The following XYLT1 variants were observed in gnomAD, a reference collection of about 807,000 sequenced individuals.
XYLT1 encodes xylosyltransferase 1.
Under a neutral mutation model 91.3 loss-of-function variants are expected in XYLT1, and 36 were observed. The ratio of observed to expected loss-of-function variants is 0.39; its 90% CI spans 0.30 to 0.52. The LOEUF is 0.52. Ranked by LOEUF, XYLT1 falls within the 20% of genes least tolerant of loss-of-function variation. The probability of loss-of-function intolerance (pLI) is 0.68; values close to 1 mark genes in which losing one functional copy is unlikely to be tolerated. For missense variants in XYLT1, 1,242 were observed against 1,284.5 expected (o/e 0.97, Z 0.51); for synonymous variants, 588 against 532.0 (o/e 1.11, Z -1.45).
At chr16:17,285,874 CTGTGTGTG>C (rs56267931) in intron 2 of XYLT1, among the ~76,000 whole-genome samples, 15,068 of 145,128 alleles carry the variant, frequency 0.1, 852 homozygotes, top group South Asian at 0.17. Context: ...TGGTGTATCT[CTGTGTGTG>C]TGTGTGTGTG....
At chr16:17,141,048 T>C in intron 7 of XYLT1, 105 bp downstream of exon 7, 2 of 1,109,290 alleles carry the variant, frequency 1.8e-6, no homozygotes, top group Non-Finnish European at 2.7e-6. Flanking sequence ...TAGAGGACAA[T>C]GTAGGTGGAC....
intron 1 of XYLT1, among the ~76,000 whole-genome samples, chr16:17,400,623 G>A (rs1346128835): frequency 3.1e-5 from 4 of 130,438 alleles, no homozygotes; most frequent in East Asian, 2.0e-4. Context: ...GAGGGAGGGA[G>A]GAAGGGAGGA....
At chr16:17,138,047 T>TGAAGAGTA (rs59876842) in intron 8 of XYLT1, among the ~76,000 whole-genome samples, 4 of 151,878 alleles carry the variant, frequency 2.6e-5, no homozygotes, top group African/African-American at 7.3e-5. Context: ...GAAGATGATA[T>TGAAGAGTA]GAGTATGGCC....
chr16:17,283,553 C>T (rs1012768518), intron 2 of XYLT1, among the ~76,000 whole-genome samples: 3 of 152,188 alleles, frequency 2.0e-5, no homozygotes, highest in Admixed American at 1.3e-4. Context: ...TGAAATCCTG[C>T]CTCAGCGTCC....
intron 1 of XYLT1, among the ~76,000 whole-genome samples, chr16:17,435,759 G>A (rs2036449897): frequency 6.6e-6 from 1 of 152,144 alleles, no homozygotes; most frequent in South Asian, 2.1e-4. Context: ...AATCCTCCAA[G>A]GATTCTCTCA....
intron 2 of XYLT1, among the ~76,000 whole-genome samples, chr16:17,277,554 TA>T (rs1408079691): frequency 1.3e-5 from 2 of 152,114 alleles, no homozygotes; most frequent in African/African-American, 2.4e-5. Context: ...CACACCCAGC[TA>T]ATTTTTGTAT....
intron 3 of XYLT1, among the ~76,000 whole-genome samples, chr16:17,237,854 G>C (rs2033272870): frequency 6.6e-6 from 1 of 151,254 alleles, no homozygotes; most frequent in Non-Finnish European, 1.5e-5. Context: ...TAGCAGGCTG[G>C]TAAGTGTCTG....
chr16:17,265,187 AAAAC>A (rs1431960775), intron 2 of XYLT1, among the ~76,000 whole-genome samples: 9 of 152,126 alleles, frequency 5.9e-5, no homozygotes, highest in East Asian at 5.8e-4. Flanking sequence ...ACTCTGTCTC[AAAAC>A]AAACAAACAA....
chr16:17,108,782 C>G lies in XYLT1; in HGVS notation c.2793G>C (p.Gln931His), dbSNP rs1267537935. The change falls in exon 12 of 12, where the codon CAG (glutamine) becomes CAC (histidine). Residue 931 changes from glutamine (Q) to histidine (H), a missense_variant. Physicochemically the swap from Gln to His is conservative, Grantham distance 24 (BLOSUM62 0). This residue lies in a region of XYLT1 where 511 missense variants were observed against 497.0 expected (regional missense o/e 1.03). Coordinates refer to ENST00000261381, the MANE Select transcript of XYLT1 (RefSeq NM_022166.4). The part of the protein sequence containing the change: ...ATGPTACPVM[Q>H]TCSQTAWSSF... Reference sequence around the variant, plus strand: ...AGCTCCAGGCCGTCTGGCTGCAGGTCTGCATGACCGGGCAGGCTGTGGGGC... The same window carrying G: ...AGCTCCAGGCCGTCTGGCTGCAGGTGTGCATGACCGGGCAGGCTGTGGGGC... The G allele has an allele frequency of 2.5e-6, 4 of 1,610,854 alleles. No individual in the cohort carries two copies. In the East Asian group the frequency reaches 6.7e-5, roughly 27 times the overall value.
At chr16:17,271,487 G>A (rs182270008) in intron 2 of XYLT1, among the ~76,000 whole-genome samples, 1 of 152,172 alleles carries the variant, frequency 6.6e-6, no homozygotes, top group African/African-American at 2.4e-5. Flanking sequence ...GATAGGCACA[G>A]AGAGAATGTG....
In XYLT1 at chr16:17,200,491, G is replaced by A. The variant is rs35488326; in HGVS notation, c.1077C>T (p.His359=). 0.025 allele frequency: 40,723 copies of A among 1,613,074 alleles called. 613 individuals carry two copies. The highest frequency in any genetic ancestry group is 0.037 in the Middle Eastern group (225 of 6,052). Residue 359 remains histidine, a synonymous_variant, in exon 4 of 12, where the codon CAC becomes CAT. Coordinates refer to ENST00000261381, the MANE Select transcript of XYLT1 (RefSeq NM_022166.4). ...IYHKDHFYYI[H]VDKRSNYLHR... is the part of the protein sequence containing the mutation. ...CACAGAGGCCTCTCACCTTGTCCAC[G>A]TGGATGTAGTAGAAGTGGTCTTTGT...
At chr16:17,390,039 T>C (rs8049884) in intron 1 of XYLT1, among the ~76,000 whole-genome samples, 79,073 of 151,982 alleles carry the variant, frequency 0.52, 22,317 homozygotes, top group African/African-American at 0.72. Flanking sequence ...CTTCACCCCC[T>C]GCCCATCTCT....
intron 7 of XYLT1, among the ~76,000 whole-genome samples, chr16:17,140,651 A>G (rs1567292628): frequency 8.9e-6 from 1 of 111,838 alleles, no homozygotes; most frequent in Non-Finnish European, 1.8e-5. Flanking sequence ...ACAGAGGAAG[A>G]CTGTCTCAAA....
chr16:17,431,286 C>T (rs555104344), intron 1 of XYLT1, among the ~76,000 whole-genome samples: 9 of 152,142 alleles, frequency 5.9e-5, no homozygotes, highest in South Asian at 4.1e-4. Context: ...TCAAACTTCA[C>T]GTGCACATCT....
intron 1 of XYLT1, among the ~76,000 whole-genome samples, chr16:17,438,687 T>C (rs1008859938): frequency 2.6e-5 from 4 of 152,014 alleles, no homozygotes; most frequent in Admixed American, 2.0e-4. Context: ...TCAGAAGACT[T>C]ACAATCATGG....
At chr16:17,116,592 C>T (rs529323055) in intron 11 of XYLT1, among the ~76,000 whole-genome samples, 5 of 152,250 alleles carry the variant, frequency 3.3e-5, no homozygotes, top group South Asian at 2.1e-4. Context: ...GCAATCAGAC[C>T]GTTTCTGGTT....
chr16:17,111,720 C>T (rs1966841218), intron 11 of XYLT1, among the ~76,000 whole-genome samples: 1 of 152,208 alleles, frequency 6.6e-6, no homozygotes, highest in South Asian at 2.1e-4. Context: ...ATTCCCAATG[C>T]CCCAGGAAGC....
chr16:17,255,192 T>A (rs1484929742), intron 3 of XYLT1, among the ~76,000 whole-genome samples: 1 of 151,968 alleles, frequency 6.6e-6, no homozygotes, highest in Non-Finnish European at 1.5e-5. Context: ...AGAGATGAGG[T>A]TTCGCCATGT....
rs1337806853 is a variant in XYLT1, at chr16:17,461,536, A to G, written c.363+8898T>C. Among the ~76,000 whole-genome samples the G allele has an allele frequency of 2.0e-5, 3 of 152,096 alleles. No individual in the cohort carries two copies. In the East Asian group the frequency reaches 5.8e-4, roughly 29 times the overall value. On this transcript the variant is annotated intron_variant, in intron 1 of 11. Coordinates refer to ENST00000261381, the MANE Select transcript of XYLT1 (RefSeq NM_022166.4). ...TGGAGGATGGGTAGATAGGTGGATGAATGGATCGATGGGTAAATGGATGGA... is the reference window on the plus strand; with the variant it reads ...TGGAGGATGGGTAGATAGGTGGATGGATGGATCGATGGGTAAATGGATGGA...
Sources: allele counts gnomAD v4.1 joint callset (sites outside exome capture counted in the v4.1 genomes callset), GRCh38; gene constraint gnomAD v4.1.1; regional missense constraint gnomAD v4.1.1; transcripts MANE v1.5; gene names NCBI Gene and HGNC (gene_info 2026-07-23, HGNC 2026-07-21).